DAAM1: variants seen among roughly 807,000 people sequenced by gnomAD.
The protein encoded by DAAM1 is dishevelled associated activator of morphogenesis 1.
Under a neutral mutation model 130.0 loss-of-function variants are expected in DAAM1, and 52 were observed. The observed-to-expected ratio is 0.40, with a 90% CI of 0.32 to 0.50. The LOEUF (loss-of-function observed/expected upper bound fraction) is 0.50, where lower values mean the gene tolerates loss of function less well. DAAM1 is among the 20% of genes least tolerant of loss of function. DAAM1 has a pLI of 0.61. For synonymous variants in DAAM1, 452 were observed against 444.5 expected (o/e 1.02, Z -0.21); for missense variants, 1,134 against 1,303.8 (o/e 0.87, Z 2.01).
chr14:59,242,371 C>G (rs1034390904), intron 1 of DAAM1, among the ~76,000 whole-genome samples: 1 of 152,056 alleles, frequency 6.6e-6, no homozygotes, highest in Non-Finnish European at 1.5e-5. Context: ...ATAGTAACAA[C>G]AACAACAACA....
chr14:59,353,862 G>A lies in DAAM1; in HGVS notation c.2268-14G>A, dbSNP rs1021882491. The A allele has an allele frequency of 6.8e-6, 11 of 1,612,240 alleles. No homozygotes were observed. Among genetic ancestry groups the A allele is most frequent in the African/African-American group, 5.3e-5 (4 of 74,840 alleles). On this transcript the variant is annotated splice_polypyrimidine_tract_variant and intron_variant, in intron 18 of 24. Transcript: ENST00000360909. ...ATTAAATGAATATCAATTAGTACATGTTTGCTCTTACAGAATTAATCACTA... is the reference window on the plus strand; with the variant it reads ...ATTAAATGAATATCAATTAGTACATATTTGCTCTTACAGAATTAATCACTA...
chr14:59,359,363 GA>G, intron 20 of DAAM1, 33 bp from the exon 21 acceptor site: 2 of 1,449,566 alleles, frequency 1.4e-6, no homozygotes, highest in Non-Finnish European at 9.6e-7. Context: ...AAAATAATTT[GA>G]ATGTTTAATA....
intron 2 of DAAM1, among the ~76,000 whole-genome samples, chr14:59,272,640 T>C (rs1313887392): frequency 8.8e-6 from 1 of 113,756 alleles, no homozygotes; most frequent in East Asian, 2.2e-4. Context: ...CATACACACA[T>C]ATATATGTAT....
intron 1 of DAAM1, among the ~76,000 whole-genome samples, chr14:59,217,227 T>G (rs969880998): frequency 1.4e-5 from 2 of 146,612 alleles, no homozygotes; most frequent in South Asian, 4.4e-4. Flanking sequence ...CTGCCAAACC[T>G]CAGGACTGCT....
rs112847915 is a variant in DAAM1 at position 59,342,389 on chromosome 14, G to A, written c.2075+2209G>A. ...CTCTCTCATCAGGAAAGCACAGAATGACATGTTAAATGTGGTACAAGTGAA... is the reference window on the plus strand; with the variant it reads ...CTCTCTCATCAGGAAAGCACAGAATAACATGTTAAATGTGGTACAAGTGAA... On this transcript the variant is annotated intron_variant, in intron 16 of 24. Transcript: ENST00000360909. Among the ~76,000 whole-genome samples, 44 of 152,318 alleles carry A rather than the reference G, an allele frequency of 2.9e-4. 1 individual carries two copies. The highest frequency in any genetic ancestry group is 1.0e-3 in the African/African-American group (43 of 41,566).
chr14:59,265,610 C>A (rs1882398939), intron 2 of DAAM1: 1 of 152,192 alleles, frequency 6.6e-6, no homozygotes, highest in African/African-American at 2.4e-5. Flanking sequence ...GAGCTGTCAA[C>A]AGGAATTGAA....
intron 19 of DAAM1, among the ~76,000 whole-genome samples, chr14:59,354,303 G>A (rs890677455): frequency 8.5e-5 from 13 of 152,104 alleles, no homozygotes; most frequent in Non-Finnish European, 1.8e-4. Flanking sequence ...CTCGTGATCT[G>A]CCCACCTTGG....
chr14:59,320,168 G>C (rs2139614134), intron 4 of DAAM1, among the ~76,000 whole-genome samples: 1 of 152,264 alleles, frequency 6.6e-6, no homozygotes, highest in East Asian at 1.9e-4. Context: ...TTGATAATGT[G>C]ATGGTATTAT....
At chr14:59,274,014 G>C (rs889956365) in intron 2 of DAAM1, among the ~76,000 whole-genome samples, 3 of 152,130 alleles carry the variant, frequency 2.0e-5, no homozygotes, top group Admixed American at 6.6e-5. Flanking sequence ...TCAATTCCCA[G>C]AATTCCTCTG....
intron 22 of DAAM1, 63 bp downstream of exon 22, chr14:59,360,925 T>C: frequency 6.8e-7 from 1 of 1,462,388 alleles, no homozygotes; most frequent in Non-Finnish European, 9.5e-7. Context: ...TGCTGGTGGT[T>C]TTCAGCAGAT....
At chr14:59,312,126 A>G (rs912065545) in intron 3 of DAAM1, among the ~76,000 whole-genome samples, 4 of 152,182 alleles carry the variant, frequency 2.6e-5, no homozygotes, top group African/African-American at 9.6e-5. Flanking sequence ...CTGAAAGTAA[A>G]CTTACAGGGT....
rs10148554 is a variant in DAAM1, at chr14:59,360,668, C to T, written c.2634-134C>T. On this transcript the variant is annotated intron_variant, in intron 21 of 24. Transcript: ENST00000360909. ...AAATACTGTTGTCTTTCTTTGAGAT[C>T]TGAGCATGGAAGGGAATTTTAAACA... 730 of 594,798 alleles carry T rather than the reference C, an allele frequency of 1.2e-3. 5 individuals carry two copies. The highest frequency in any genetic ancestry group is 0.012 in the African/African-American group (619 of 52,474). The allele number at this position is 594,798 out of a possible 1,614,324, so 36.8% of individuals were successfully genotyped here.
chr14:59,218,537 A>T (rs1206980431), intron 1 of DAAM1, among the ~76,000 whole-genome samples: 1 of 152,258 alleles, frequency 6.6e-6, no homozygotes, highest in Non-Finnish European at 1.5e-5. Context: ...CAAGTTAAAT[A>T]ATCTGAAACA....
In DAAM1 at chr14:59,288,831, A is replaced by AGG. The variant is rs902268883; in HGVS notation, c.184-2385_184-2384dup. 1.1e-3 allele frequency among the ~76,000 whole-genome samples: 50 copies of AGG among 44,368 alleles called. 1 individual carries two copies. The South Asian group carries it at 0.039, about 35-fold the overall frequency. The allele number at this position is 44,368 out of a possible 152,430, so 29.1% of individuals were successfully genotyped here. On this transcript the variant is annotated intron_variant, in intron 2 of 24. Coordinates refer to ENST00000360909, the MANE Select transcript of DAAM1 (RefSeq NM_001270520.2). ...AGCAAGCACATTTTCCTGTGATAGCAGGAGAGAGAGAGAGAGAGAGAGAGA... is the reference window on the plus strand; with the variant it reads ...AGCAAGCACATTTTCCTGTGATAGCAGGGGAGAGAGAGAGAGAGAGAGAGAGA...
intron 1 of DAAM1, among the ~76,000 whole-genome samples, chr14:59,236,849 T>C (rs1239873401): frequency 6.6e-6 from 1 of 152,272 alleles, no homozygotes; most frequent in African/African-American, 2.4e-5. Context: ...TTGAAAACTT[T>C]CCCAAACTTC....
intron 20 of DAAM1, among the ~76,000 whole-genome samples, 158 bp downstream of exon 20, chr14:59,355,491 C>T (rs778584799): frequency 5.9e-5 from 9 of 152,146 alleles, no homozygotes; most frequent in Non-Finnish European, 1.2e-4. Flanking sequence ...ATTGACTCTT[C>T]TCTAAACCTC....
chr14:59,195,304 C>T (rs1348475814), intron 1 of DAAM1, among the ~76,000 whole-genome samples: 1 of 152,046 alleles, frequency 6.6e-6, no homozygotes. Context: ...CCACCACGCC[C>T]AGCTAATTTT....
intron 1 of DAAM1, among the ~76,000 whole-genome samples, chr14:59,257,818 C>T (rs748300007): frequency 3.2e-4 from 48 of 152,100 alleles, no homozygotes; most frequent in Non-Finnish European, 5.3e-4. Context: ...TCAAACATGC[C>T]GGCTCCCCAC....
intron 1 of DAAM1, among the ~76,000 whole-genome samples, chr14:59,251,435 G>GT (rs35807716): frequency 0.17 from 23,979 of 137,792 alleles, 2,229 homozygotes; most frequent in East Asian, 0.36. Context: ...ACTCCGCCGT[G>GT]TTTTTTTTTT....
Sources: allele counts gnomAD v4.1 joint callset (sites outside exome capture counted in the v4.1 genomes callset), GRCh38; gene constraint gnomAD v4.1.1; transcripts MANE v1.5; gene names NCBI Gene and HGNC (gene_info 2026-07-23, HGNC 2026-07-21).